Variants in OSBPL10 observed in about 807,000 individuals in gnomAD.
The protein encoded by OSBPL10 is oxysterol binding protein like 10.
In OSBPL10, 49 loss-of-function variants were observed where a neutral mutation model predicts 81.7. The observed-to-expected ratio is 0.60, with a 90% confidence interval of 0.48 to 0.76. The LOEUF is 0.76. Among genes scored for constraint, OSBPL10 ranks in the 30% least tolerant of loss-of-function variants. OSBPL10 has a pLI of 0.00. For missense variants in OSBPL10, 923 were observed against 987.8 expected (o/e 0.93, Z 0.88); for synonymous variants, 419 against 383.6 (o/e 1.09, Z -1.08).
At chr3:32,042,530 G>C (rs1053499963) in intron 2 of OSBPL10, among the ~76,000 whole-genome samples, 1 of 152,052 alleles carries the variant, frequency 6.6e-6, no homozygotes, top group Non-Finnish European at 1.5e-5. Flanking sequence ...GTAAGATTTA[G>C]TTGTATGCTC....
chr3:31,785,438 A>G (rs1169556179), intron 4 of OSBPL10, among the ~76,000 whole-genome samples: 2 of 152,140 alleles, frequency 1.3e-5, no homozygotes, highest in Non-Finnish European at 2.9e-5. Context: ...TAAAATCCAG[A>G]TCTGGCCAGG....
Position 31,879,803 on chromosome 3 carries a change from G to A in OSBPL10, c.309C>T (p.Gly103=). ...NRYFVLDFEA[G]ILQYFVNEQS... is the part of the protein sequence containing the mutation. ...GCTCATTCACAAAATACTGCAGGAT[G>A]CCAGCCTCGAAATCCAGTACGAAGT... Residue 103 remains glycine, a synonymous_variant, in exon 2 of 12, where the codon GGC becomes GGT. Coordinates refer to ENST00000396556, the MANE Select transcript of OSBPL10 (RefSeq NM_017784.5). 2 of 1,614,014 alleles carry A rather than the reference G, an allele frequency of 1.2e-6. No individual in the cohort carries two copies. Among genetic ancestry groups the A allele is most frequent in the Non-Finnish European group, 1.7e-6 (2 of 1,179,970 alleles).
intron 6 of OSBPL10, among the ~76,000 whole-genome samples, chr3:31,722,106 A>G (rs1034655699): frequency 5.9e-5 from 9 of 152,120 alleles, no homozygotes; most frequent in African/African-American, 1.7e-4. Context: ...GAAACGCAAC[A>G]ATTTAACTGC....
intron 2 of OSBPL10, among the ~76,000 whole-genome samples, chr3:32,033,184 A>G (rs1286738046): frequency 6.6e-6 from 1 of 152,188 alleles, no homozygotes; most frequent in Admixed American, 6.5e-5. Context: ...TTTTGGTTCA[A>G]CTTGTCAAAA....
intron 2 of OSBPL10, among the ~76,000 whole-genome samples, chr3:32,015,078 A>G (rs996699757): frequency 2.6e-5 from 4 of 152,252 alleles, no homozygotes; most frequent in Non-Finnish European, 4.4e-5. Context: ...CTTTCTTCAC[A>G]CAATTGGAAA....
rs988759293 is a variant in OSBPL10, at chr3:31,663,879, A to G, written c.2250+200T>C. ...TGTCAGTTGCTCAGTTCTGCCCTCC[A>G]GAAGGTTTCATGAATATTGTGGCAG... On this transcript the variant is annotated intron_variant, in intron 11 of 11. Coordinates refer to ENST00000396556, the MANE Select transcript of OSBPL10 (RefSeq NM_017784.5). 19 of 1,454,910 alleles carry G rather than the reference A, an allele frequency of 1.3e-5. No individual in the cohort carries two copies. In the African/African-American group the frequency reaches 2.1e-4, roughly 16 times the overall value. 90.1% of individuals were successfully genotyped at this position (1,454,910 alleles called of 1,614,324 possible).
intron 1 of OSBPL10, among the ~76,000 whole-genome samples, chr3:31,957,638 T>C (rs1279744693): frequency 6.6e-6 from 1 of 152,004 alleles, no homozygotes; most frequent in African/African-American, 2.4e-5. Context: ...TTTTTGTTTG[T>C]TTGTTTTGGT....
At chr3:31,921,801 G>A (rs1157593053) in intron 1 of OSBPL10, among the ~76,000 whole-genome samples, 1 of 152,104 alleles carries the variant, frequency 6.6e-6, no homozygotes, top group Non-Finnish European at 1.5e-5. Context: ...AACTTCACAG[G>A]GGAAAAACCT....
Position 31,664,187 on chromosome 3 carries a change from A to C in OSBPL10, c.2142T>G (p.Ile714Met), listed in dbSNP as rs766856982. The change falls in exon 11 of 12, where the codon ATT (isoleucine) becomes ATG (methionine). Residue 714 changes from isoleucine (I) to methionine (M), a missense_variant. Physicochemically the swap from Ile to Met is conservative, Grantham distance 10. This residue lies in a region of OSBPL10 where 387 missense variants were observed against 436.3 expected (regional missense o/e 0.89). Transcript: ENST00000396556. ...EVTRYLRLGD[I>M]DAATEQKRHL... ...GCCGCTTCTGCTCGGTGGCTGCGTC[A>C]ATGTCCCCCAGCCGCAGGTATCGGG... 1.9e-6 allele frequency: 3 copies of C among 1,612,974 alleles called. No homozygotes were observed. In the African/African-American group the frequency reaches 4.0e-5, roughly 22 times the overall value.
At chr3:31,934,127 A>AAGAGGC (rs973735648) in intron 1 of OSBPL10, among the ~76,000 whole-genome samples, 2 of 151,566 alleles carry the variant, frequency 1.3e-5, no homozygotes, top group African/African-American at 4.8e-5. Flanking sequence ...GTGCTTTGGT[A>AAGAGGC]AGAGGCATAA....
chr3:32,035,162 G>A (rs1229880962), intron 2 of OSBPL10, among the ~76,000 whole-genome samples: 1 of 152,136 alleles, frequency 6.6e-6, no homozygotes, highest in East Asian at 1.9e-4. Flanking sequence ...AGGAGTCTGA[G>A]CCTACTCTGG....
chr3:31,902,058 C>T (rs1014523232), intron 1 of OSBPL10, among the ~76,000 whole-genome samples: 1 of 152,066 alleles, frequency 6.6e-6, no homozygotes, highest in Non-Finnish European at 1.5e-5. Context: ...CAAAAAAGGG[C>T]ATTTAATAAG....
At chr3:31,969,976 G>A (rs1416504381) in intron 1 of OSBPL10, among the ~76,000 whole-genome samples, 1 of 152,074 alleles carries the variant, frequency 6.6e-6, no homozygotes, top group African/African-American at 2.4e-5. Context: ...AGTGGAATTA[G>A]CTGGTCCTAG....
chr3:31,671,141 G>A (rs1211034094), intron 8 of OSBPL10, among the ~76,000 whole-genome samples, 158 bp from the exon 9 acceptor site: 2 of 152,202 alleles, frequency 1.3e-5, no homozygotes, highest in Non-Finnish European at 2.9e-5. Context: ...GGGCTCTACT[G>A]TGTGCAAGGC....
At chr3:31,762,630 A>ACTTTTTTTTTT (rs1698079634) in intron 4 of OSBPL10, among the ~76,000 whole-genome samples, 7 of 61,482 alleles carry the variant, frequency 1.1e-4, no homozygotes, top group African/African-American at 5.6e-4. Flanking sequence ...CATGCCCAGC[A>ACTTTTTTTTTT]TTTTTTTTTT....
At chr3:32,011,846 G>A (rs960554794) in intron 2 of OSBPL10, among the ~76,000 whole-genome samples, 1 of 152,140 alleles carries the variant, frequency 6.6e-6, no homozygotes, top group Admixed American at 6.5e-5. Flanking sequence ...GGTTATCAGT[G>A]ATGGAAGATC....
At chr3:31,748,643 C>CAAAAAATAACAAGAA (rs1697613904) in intron 4 of OSBPL10, among the ~76,000 whole-genome samples, 1 of 127,716 alleles carries the variant, frequency 7.8e-6, no homozygotes. Flanking sequence ...CGCTCGCTTG[C>CAAAAAATAACAAGAA]AAAAAAAAAA....
intron 6 of OSBPL10, among the ~76,000 whole-genome samples, chr3:31,714,359 T>C (rs1696364235): frequency 6.6e-6 from 1 of 151,816 alleles, no homozygotes. Context: ...ATGTGGAAGA[T>C]CAAACAGTGA....
At chr3:31,911,138 G>A (rs1341551293) in intron 1 of OSBPL10, among the ~76,000 whole-genome samples, 1 of 152,162 alleles carries the variant, frequency 6.6e-6, no homozygotes, top group Non-Finnish European at 1.5e-5. Context: ...CAGGGCCAGG[G>A]GTGCTCAGGG....
Sources: gnomAD v4.1 joint callset for allele counts (sites outside exome capture counted in the v4.1 genomes callset) on GRCh38, gnomAD v4.1.1 for gene constraint, gnomAD v4.1.1 regional missense constraint, MANE v1.5 for transcripts, NCBI Gene and HGNC (gene_info 2026-07-23, HGNC 2026-07-21) for gene names.